PCM1: variants seen among roughly 807,000 people sequenced by gnomAD.
PCM1 encodes the protein pericentriolar material 1.
Under a neutral mutation model 241.9 loss-of-function variants are expected in PCM1, and 157 were observed. That is an observed-to-expected ratio of 0.65 (90% CI 0.57 to 0.74). The LOEUF (loss-of-function observed/expected upper bound fraction) is 0.74, where lower values mean the gene tolerates loss of function less well. PCM1 is among the 30% of genes least tolerant of loss of function. PCM1 has a pLI of 0.00. For synonymous variants in PCM1, 1,085 were observed against 784.9 expected (o/e 1.38, Z -6.39); for missense variants, 3,478 against 2,360.1 (o/e 1.47, Z -9.81).
intron 9 of PCM1, among the ~76,000 whole-genome samples, chr8:17,955,043 A>G (rs980693725): frequency 1.3e-5 from 2 of 152,180 alleles, no homozygotes; most frequent in Non-Finnish European, 2.9e-5. Context: ...TGTAAAGATT[A>G]CAGATTGAGT....
At chr8:17,928,587 T>C (rs1344383299) in intron 2 of PCM1, among the ~76,000 whole-genome samples, 1 of 150,406 alleles carries the variant, frequency 6.6e-6, no homozygotes, top group Non-Finnish European at 1.5e-5. Flanking sequence ...GCTTATCTCC[T>C]TTCTCTTCTG....
At chr8:17,996,893 C>A (rs1313635590) in intron 29 of PCM1, among the ~76,000 whole-genome samples, 3 of 151,962 alleles carry the variant, frequency 2.0e-5, no homozygotes, top group Non-Finnish European at 4.4e-5. Flanking sequence ...GTTGTAGCTA[C>A]TATTTTTGGT....
chr8:17,931,034 G>A (rs1023333754), intron 2 of PCM1, among the ~76,000 whole-genome samples: 1 of 152,194 alleles, frequency 6.6e-6, no homozygotes, highest in South Asian at 2.1e-4. Flanking sequence ...CAATCACAGT[G>A]TAACAGTGGA....
intron 34 of PCM1, among the ~76,000 whole-genome samples, chr8:18,012,098 G>T (rs750484244): frequency 5.9e-5 from 9 of 152,042 alleles, no homozygotes; most frequent in African/African-American, 1.9e-4. Flanking sequence ...GAGCTCAAGC[G>T]ATCCTCCCAC....
At chr8:17,947,991 T>A (rs753730811) in intron 7 of PCM1, among the ~76,000 whole-genome samples, 1 of 152,338 alleles carries the variant, frequency 6.6e-6, no homozygotes, top group African/African-American at 2.4e-5. Flanking sequence ...ACGTTTATCA[T>A]CACCTTCAAA....
rs753724301 is a variant in PCM1 at position 18,010,562 on chromosome 8, G to T, written c.5161-47G>T. ...TGAGACATGAGAAATGCTAAATTAT[G>T]TATCTAAGTATGTTGCTAAATTCTG... On this transcript the variant is annotated intron_variant, in intron 31 of 38. Transcript: ENST00000325083. The T allele has an allele frequency of 1.4e-5, 19 of 1,368,794 alleles. No homozygotes were observed. In the South Asian group the frequency reaches 2.3e-4, roughly 17 times the overall value. The allele number at this position is 1,368,794 out of a possible 1,614,324, so 84.8% of individuals were successfully genotyped here.
At chr8:17,961,664 G>A (rs556919298) in intron 15 of PCM1, among the ~76,000 whole-genome samples, 9 of 152,220 alleles carry the variant, frequency 5.9e-5, no homozygotes, top group Non-Finnish European at 1.2e-4. Flanking sequence ...AGGAAAACAG[G>A]GCAACTGTGT....
At position 17,978,094 on chromosome 8, in the gene PCM1, T is replaced by C. The variant is rs183412910; in HGVS notation, c.3944-2497T>C. On this transcript the variant is annotated intron_variant, in intron 23 of 38. Transcript: ENST00000325083. Reference sequence around the variant, plus strand: ...GCAGATTGAATTATAACAAATTCTTTAGAGCTAGAAAAAAATGACATTAAG... The same window carrying C: ...GCAGATTGAATTATAACAAATTCTTCAGAGCTAGAAAAAAATGACATTAAG... Among the ~76,000 whole-genome samples the C allele has an allele frequency of 5.9e-5, 9 of 152,252 alleles. No individual in the cohort carries two copies. The South Asian group carries it at 8.3e-4, about 14-fold the overall frequency.
At chr8:17,929,548 C>G (rs926098692) in intron 2 of PCM1, among the ~76,000 whole-genome samples, 14 of 152,224 alleles carry the variant, frequency 9.2e-5, no homozygotes, top group Admixed American at 5.9e-4. Flanking sequence ...TCATCATCCT[C>G]TCTCAACAAA....
At chr8:18,001,172 G>A (rs1034808775) in intron 29 of PCM1, among the ~76,000 whole-genome samples, 10 of 152,204 alleles carry the variant, frequency 6.6e-5, no homozygotes, top group Admixed American at 4.6e-4. Flanking sequence ...ACTGCAAGGA[G>A]TTAGTTATGT....
At chr8:18,010,373 A>C (rs1228331295) in intron 31 of PCM1, among the ~76,000 whole-genome samples, 4 of 152,220 alleles carry the variant, frequency 2.6e-5, no homozygotes, top group Non-Finnish European at 5.9e-5. Context: ...AGACGAAGTC[A>C]GGCTGTCCAT....
chr8:17,998,985 C>T (rs1207577376), intron 29 of PCM1, among the ~76,000 whole-genome samples: 1 of 152,056 alleles, frequency 6.6e-6, no homozygotes, highest in Non-Finnish European at 1.5e-5. Context: ...ATTTAAAGCC[C>T]AAGGGCTTTT....
rs775726930 is a variant in PCM1, at chr8:17,990,485, G to GT, written c.4531+519dup. On this transcript the variant is annotated intron_variant, in intron 27 of 38. Transcript: ENST00000325083. ...TGGTTGTTTTTTTTTGTTTGTTTGG[G>GT]TTTTTTTTTTTTTCCCCCTCTCCCA... Among the ~76,000 whole-genome samples the GT allele has an allele frequency of 7.0e-3, 995 of 141,544 alleles. 2 individuals carry two copies. The highest frequency in any genetic ancestry group is 0.014 in the African/African-American group (530 of 38,920). The allele number at this position is 141,544 out of a possible 152,430, so 92.9% of individuals were successfully genotyped here. A position where few individuals can be genotyped will look rare whatever the true frequency, so the allele number is the denominator to read the frequency against.
At chr8:18,003,115 A>T (rs2090159452) in intron 29 of PCM1, among the ~76,000 whole-genome samples, 2 of 152,080 alleles carry the variant, frequency 1.3e-5, no homozygotes, top group Non-Finnish European at 2.9e-5. Context: ...GCCACCTTTA[A>T]CCTATGTAAT....
chr8:17,993,325 A>G (rs1379988773), intron 28 of PCM1, among the ~76,000 whole-genome samples, 158 bp from the exon 29 acceptor site: 1 of 152,090 alleles, frequency 6.6e-6, no homozygotes, highest in Non-Finnish European at 1.5e-5. Flanking sequence ...TTACTACTTT[A>G]TTTTAATTGA....
chr8:18,003,375 C>G (rs1380010241), intron 29 of PCM1, among the ~76,000 whole-genome samples: 1 of 152,228 alleles, frequency 6.6e-6, no homozygotes, highest in African/African-American at 2.4e-5. Context: ...ACAGCTTGGT[C>G]TGGCCTCTTA....
intron 20 of PCM1, 145 bp from the exon 21 acceptor site, chr8:17,966,835 A>G (rs1407636538): frequency 9.7e-6 from 7 of 721,626 alleles, no homozygotes; most frequent in Admixed American, 3.0e-5. Context: ...ATTAAGCCTT[A>G]TAGAGCAAGC....
At chr8:18,004,632 CT>C (rs976791817) in intron 29 of PCM1, among the ~76,000 whole-genome samples, 1 of 152,080 alleles carries the variant, frequency 6.6e-6, no homozygotes, top group South Asian at 2.1e-4. Flanking sequence ...CAGATCTTGA[CT>C]TTTTTTGTAG....
chr8:18,008,243 T>G (rs2091852350), intron 30 of PCM1, among the ~76,000 whole-genome samples: 2 of 152,004 alleles, frequency 1.3e-5, no homozygotes, highest in Admixed American at 1.3e-4. Flanking sequence ...AGCATTAGAT[T>G]CTCATAGGAG....
Sources: allele counts gnomAD v4.1 joint callset (sites outside exome capture counted in the v4.1 genomes callset), GRCh38; gene constraint gnomAD v4.1.1; transcripts MANE v1.5; gene names NCBI Gene and HGNC (gene_info 2026-07-23, HGNC 2026-07-21).